Variants in GLS observed in about 807,000 individuals in gnomAD.
GLS encodes glutaminase.
GLS carries 36 observed loss-of-function variants against 86.7 expected under a neutral mutation model. The ratio of observed to expected loss-of-function variants is 0.42; its 90% confidence interval spans 0.32 to 0.55. GLS has a LOEUF of 0.55. Ranked by LOEUF, GLS falls within the 20% of genes least tolerant of loss-of-function variation. The pLI is 0.17. For synonymous variants in GLS, 317 were observed against 305.9 expected (o/e 1.04, Z -0.38); for missense variants, 528 against 833.4 (o/e 0.63, Z 4.51).
Position 190,954,709 on chromosome 2 carries a change from A to G in GLS, c.1790-46A>G, listed in dbSNP as rs774126661. On this transcript the variant is annotated intron_variant, in intron 16 of 17. Coordinates refer to ENST00000320717, the MANE Select transcript of GLS (RefSeq NM_014905.5). The surrounding 1 kb of genome is among the most constrained non-coding windows in gnomAD (Gnocchi z 4.0). ...TATTTTCTTTCCAGATTTAATTTCT[A>G]CTTAGTACTAAAATCTGCTCTTTTT... is the stretch of plus-strand genomic sequence containing the variant. 1.2e-6 allele frequency: 2 copies of G among 1,609,552 alleles called. No individual in the cohort carries two copies. Among genetic ancestry groups the G allele is most frequent in the South Asian group, 2.2e-5 (2 of 90,986 alleles).
In GLS at chr2:190,951,185, CAGG is replaced by C. The variant is rs1436952950; in HGVS notation, c.1651-2375_1651-2373del. 6.6e-6 allele frequency among the ~76,000 whole-genome samples: 1 copy of C among 152,020 alleles called. No individual in the cohort carries two copies. Among genetic ancestry groups the C allele is most frequent in the Non-Finnish European group, 1.5e-5 (1 of 68,006 alleles). On this transcript the variant is annotated intron_variant, in intron 14 of 17. Coordinates refer to ENST00000320717, the MANE Select transcript of GLS (RefSeq NM_014905.5). This position sits in a 1 kb window ranked among gnomAD's most constrained non-coding sequence, Gnocchi z 4.2. ...GGTAATGAATCTGCAAAGCAGCAAA[CAGG>C]AGGAAGATTAGGGTGATGGAGCAGC...
intron 3 of GLS, among the ~76,000 whole-genome samples, chr2:190,900,035 ACATTT>A (rs1688884657): frequency 1.3e-5 from 2 of 152,106 alleles, no homozygotes; most frequent in South Asian, 2.1e-4. Context: ...ATATCAACAG[ACATTT>A]CATTTAAGAC....
In GLS at chr2:190,949,691, C is replaced by CA. The variant is rs555024858; in HGVS notation, c.1651-3866dup. Among the ~76,000 whole-genome samples the CA allele has an allele frequency of 1.8e-4, 27 of 151,226 alleles. 1 individual carries two copies. The highest frequency in any genetic ancestry group is 6.3e-4 in the South Asian group (3 of 4,768). On this transcript the variant is annotated intron_variant, in intron 14 of 17. Transcript: ENST00000320717. This position sits in a 1 kb window ranked among gnomAD's most constrained non-coding sequence, Gnocchi z 4.0. ...TGGGTGACAGAGCGAGACCTTGTCT[C>CA]AAAAAAAATAAAATGCAGGGTTGGG... is the stretch of plus-strand genomic sequence containing the variant.
intron 17 of GLS, among the ~76,000 whole-genome samples, chr2:190,959,627 T>C (rs370688015): frequency 7.9e-5 from 12 of 152,286 alleles, no homozygotes; most frequent in African/African-American, 2.6e-4. Flanking sequence ...AACTTTAAGA[T>C]GATAATTAAC....
intron 14 of GLS, among the ~76,000 whole-genome samples, chr2:190,932,046 A>G (rs1690120521): frequency 6.6e-6 from 1 of 152,064 alleles, no homozygotes; most frequent in African/African-American, 2.4e-5. Context: ...ATTGAAGTTT[A>G]ACTTCTTGCA....
intron 14 of GLS, among the ~76,000 whole-genome samples, chr2:190,941,429 T>C (rs560717001): frequency 6.6e-6 from 1 of 152,314 alleles, no homozygotes; most frequent in Non-Finnish European, 1.5e-5. Context: ...AGATAAAGCT[T>C]ACTGCCAGGA....
At chr2:190,886,681 C>T (rs1688389854) in intron 1 of GLS, among the ~76,000 whole-genome samples, 2 of 152,076 alleles carry the variant, frequency 1.3e-5, no homozygotes, top group South Asian at 4.1e-4. Context: ...TTTGGGAGGC[C>T]AAAGCAGGTG....
chr2:190,940,740 C>CTT lies in GLS; in HGVS notation c.1650+9116_1650+9117dup, dbSNP rs397946071. Among the ~76,000 whole-genome samples the CTT allele has an allele frequency of 5.4e-3, 767 of 140,846 alleles. 8 individuals carry two copies. The highest frequency in any genetic ancestry group is 0.019 in the African/African-American group (725 of 38,570). 92.4% of individuals were successfully genotyped at this position (140,846 alleles called of 152,430 possible). A position where few individuals can be genotyped will look rare whatever the true frequency, so the allele number is the denominator to read the frequency against. On this transcript the variant is annotated intron_variant, in intron 14 of 17. Coordinates refer to ENST00000320717, the MANE Select transcript of GLS (RefSeq NM_014905.5). ...ATCCCTGTTTTACTTAGTTAGCAAA[C>CTT]TTTTTTTTTTTTTTAATGCCTTCTA...
At chr2:190,887,603 G>A (rs1017474340) in intron 1 of GLS, among the ~76,000 whole-genome samples, 1 of 151,992 alleles carries the variant, frequency 6.6e-6, no homozygotes, top group African/African-American at 2.4e-5. Context: ...ACATAGACCC[G>A]TCCTTCAATT....
chr2:190,918,548 G>A (rs948113233), intron 7 of GLS, among the ~76,000 whole-genome samples: 32 of 151,896 alleles, frequency 2.1e-4, no homozygotes, highest in African/African-American at 7.5e-4. Flanking sequence ...CCATGTTACC[G>A]GTTATGCTGT....
At position 190,923,966 on chromosome 2, in the gene GLS, TAC is replaced by T; in HGVS notation, c.1181_1182del (p.Tyr394PhefsTer27). The T allele has an allele frequency of 6.7e-7, 1 of 1,497,452 alleles. No homozygotes were observed. Among genetic ancestry groups the T allele is most frequent in the Non-Finnish European group, 9.2e-7 (1 of 1,086,836 alleles). The allele number at this position is 1,497,452 out of a possible 1,614,324, so 92.8% of individuals were successfully genotyped here. On this transcript the variant is annotated frameshift_variant, in exon 10 of 18. Coordinates refer to ENST00000320717, the MANE Select transcript of GLS (RefSeq NM_014905.5). LOFTEE classifies it high-confidence loss of function. ...AGATCGAAATTTTGCAATAGGATAT[TAC>T]TTAAAAGAAAAGAAGGTTTTTAAAT... ...SGDRNFAIGYYLKEKKCFPEG... is the reference protein window; with the variant it reads ...SGDRNFAIGYXLKEKKCFPEG...
Position 190,924,401 on chromosome 2 carries a change from T to C in GLS, c.1198-142T>C, listed in dbSNP as rs1233023303. ...GATAAAATTTTGCTTTTTTATTTCA[T>C]GTTTATACTCTTTTAGAAGTTACAT... On this transcript the variant is annotated intron_variant, in intron 10 of 17. Transcript: ENST00000320717. This position sits in a 1 kb window ranked among gnomAD's most constrained non-coding sequence, Gnocchi z 5.2. The C allele has an allele frequency of 3.0e-6, 2 of 657,768 alleles. No homozygotes were observed. Among genetic ancestry groups the C allele is most frequent in the East Asian group, 2.8e-5 (1 of 36,162 alleles). The allele number at this position is 657,768 out of a possible 1,614,324, so 40.7% of individuals were successfully genotyped here.
chr2:190,930,645 C>T lies in GLS; in HGVS notation c.1557+77C>T. The T allele has an allele frequency of 7.2e-7, 1 of 1,386,390 alleles. No individual in the cohort carries two copies. The highest frequency in any genetic ancestry group is 1.0e-6 in the Non-Finnish European group (1 of 1,000,354). The allele number at this position is 1,386,390 out of a possible 1,614,324, so 85.9% of individuals were successfully genotyped here. A position where few individuals can be genotyped will look rare whatever the true frequency, so the allele number is the denominator to read the frequency against. On this transcript the variant is annotated intron_variant, in intron 13 of 17. Coordinates refer to ENST00000320717, the MANE Select transcript of GLS (RefSeq NM_014905.5). This position sits in a 1 kb window ranked among gnomAD's most constrained non-coding sequence, Gnocchi z 5.0. ...ATGATTCTTTTTTTTAACCCATTTT[C>T]CATAGTTCATTAACTCTTGGCCCTC...
chr2:190,917,720 C>A (rs573176075), intron 7 of GLS, among the ~76,000 whole-genome samples: 4 of 152,150 alleles, frequency 2.6e-5, no homozygotes, highest in African/African-American at 9.6e-5. Context: ...ACATTATGCT[C>A]CTTGTACGTC....
Position 190,881,125 on chromosome 2 carries a change from T to C in GLS, c.41T>C (p.Leu14Pro), listed in dbSNP as rs1016563170. The C allele has an allele frequency of 8.3e-6, 13 of 1,559,416 alleles. No homozygotes were observed. The highest frequency in any genetic ancestry group is 1.1e-5 in the Non-Finnish European group (13 of 1,161,316). Residue 14 changes from leucine (L) to proline (P), a missense_variant, in exon 1 of 18, where the codon CTC becomes CCC. Physicochemically the swap from Leu to Pro is moderately conservative, Grantham distance 98 (BLOSUM62 -3). This residue lies in a region of GLS where 224 missense variants were observed against 187.9 expected (regional missense o/e 1.19). Transcript: ENST00000320717. Reference protein sequence around the residue: ...LRGSGMLRDLLLRSPAGVSAT... With the variant: ...LRGSGMLRDLPLRSPAGVSAT... ...GGCTCGGGGATGCTGCGGGACCTGC[T>C]CCTGCGGTCGCCCGCCGGCGTGAGC...
chr2:190,910,004 C>G (rs1203403470), intron 6 of GLS, among the ~76,000 whole-genome samples: 12 of 152,108 alleles, frequency 7.9e-5, no homozygotes, highest in Admixed American at 2.0e-4. Flanking sequence ...TGCCACTGCA[C>G]TTCAGCCTGG....
chr2:190,910,060 T>C (rs1574583527), intron 6 of GLS, among the ~76,000 whole-genome samples: 1 of 152,214 alleles, frequency 6.6e-6, no homozygotes, highest in East Asian at 1.9e-4. Flanking sequence ...TCCCTTATAA[T>C]TTTATTATTC....
chr2:190,923,913 C>G lies in GLS; in HGVS notation c.1131-4C>G. On this transcript the variant is annotated splice_polypyrimidine_tract_variant and splice_region_variant and intron_variant, in intron 9 of 17. Coordinates refer to ENST00000320717, the MANE Select transcript of GLS (RefSeq NM_014905.5). ...AGAGCAAATGTTTTTTTTTCTTCTT[C>G]CAGGTTTCAGTCTGAAAGAGAAAGT... 6.5e-7 allele frequency: 1 copy of G among 1,538,752 alleles called. No individual in the cohort carries two copies. The highest frequency in any genetic ancestry group is 8.9e-7 in the Non-Finnish European group (1 of 1,122,808).
rs1689105912 is a variant in GLS at position 190,905,537 on chromosome 2, ATAT to A, written c.979+375_979+377del. ...AAATGATAGGTGCATGGGTGTTTGT[ATAT>A]TATTCTATCTATTATATTGTATATA... On this transcript the variant is annotated intron_variant, in intron 6 of 17. Transcript: ENST00000320717. This position sits in a 1 kb window ranked among gnomAD's most constrained non-coding sequence, Gnocchi z 4.6. Among the ~76,000 whole-genome samples, 1 of 152,062 alleles carries A rather than the reference ATAT, an allele frequency of 6.6e-6. No individual in the cohort carries two copies. The highest frequency in any genetic ancestry group is 1.5e-5 in the Non-Finnish European group (1 of 67,928).
Sources: gnomAD v4.1 joint callset for allele counts (sites outside exome capture counted in the v4.1 genomes callset) on GRCh38, gnomAD v4.1.1 for gene constraint, gnomAD v4.1.1 regional missense constraint, Gnocchi (gnomAD v3.1) non-coding constraint, MANE v1.5 for transcripts, NCBI Gene and HGNC (gene_info 2026-07-23, HGNC 2026-07-21) for gene names.